PSMF1: variants seen among roughly 807,000 people sequenced by gnomAD.
PSMF1 encodes proteasome inhibitor subunit 1, also known as proteasome inhibitor PI31 subunit.
Under a neutral mutation model 29.3 loss-of-function variants are expected in PSMF1, and 30 were observed. The observed-to-expected ratio is 1.02, with a 90% CI of 0.77 to 1.39. PSMF1 has a LOEUF of 1.39. Ranked by LOEUF, PSMF1 falls within the 40% of genes most tolerant of loss-of-function variation. PSMF1 has a pLI of 0.00. For synonymous variants in PSMF1, 134 were observed against 139.7 expected, an observed-to-expected ratio of 0.96 and a Z score of 0.29; for missense variants, 344 against 357.5, an observed-to-expected ratio of 0.96 and a Z score of 0.31.
chr20:1,164,129 T>C lies in PSMF1; in HGVS notation c.606-189T>C, dbSNP rs542752070. On this transcript the variant is annotated intron_variant, in intron 5 of 6. Transcript: ENST00000335877. The surrounding 1 kb of genome is among the most constrained non-coding windows in gnomAD (Gnocchi z 4.1). ...AGAAGTACTCAGCTGTGAGGTATGC[T>C]CTTCGTATAGGCTTTGTGTTCTTGC... is the stretch of plus-strand genomic sequence containing the variant. 6.6e-6 allele frequency among the ~76,000 whole-genome samples: 1 copy of C among 152,228 alleles called. No homozygotes were observed. Among genetic ancestry groups the C allele is most frequent in the Non-Finnish European group, 1.5e-5 (1 of 67,994 alleles).
chr20:1,113,480 A>G (rs1312239566), intron 1 of PSMF1: 1 of 157,894 alleles, frequency 6.3e-6, no homozygotes, highest in Non-Finnish European at 1.4e-5. Flanking sequence ...ACACACACAC[A>G]CACACACACA....
chr20:1,129,188 G>A (rs1050164603), intron 3 of PSMF1, among the ~76,000 whole-genome samples: 4 of 151,922 alleles, frequency 2.6e-5, no homozygotes, highest in East Asian at 3.9e-4. Flanking sequence ...CAATTTTTGC[G>A]TTTTTAATAG....
intron 4 of PSMF1, among the ~76,000 whole-genome samples, chr20:1,147,379 G>T (rs1240528554): frequency 2.0e-5 from 3 of 152,182 alleles, no homozygotes; most frequent in African/African-American, 7.2e-5. Flanking sequence ...CGCTGGGAGG[G>T]TGAGCACTGG....
chr20:1,118,735 C>A lies in PSMF1; in HGVS notation c.-39C>A, dbSNP rs1257087773. On this transcript the variant is annotated 5_prime_UTR_variant, in exon 1 of 7. Coordinates refer to ENST00000335877, the MANE Select transcript of PSMF1 (RefSeq NM_006814.5). ...GAGCCGGCTCACTGCACTACCCCCGCCCCCTTCTTTCCTCCAGACGCCGAA... is the reference window on the plus strand; with the variant it reads ...GAGCCGGCTCACTGCACTACCCCCGACCCCTTCTTTCCTCCAGACGCCGAA... The A allele has an allele frequency of 1.3e-6, 2 of 1,599,276 alleles. No individual in the cohort carries two copies. The highest frequency in any genetic ancestry group is 1.7e-6 in the Non-Finnish European group (2 of 1,171,864).
At chr20:1,151,160 A>G (rs1042636802) in intron 4 of PSMF1, among the ~76,000 whole-genome samples, 3 of 152,332 alleles carry the variant, frequency 2.0e-5, no homozygotes, top group Admixed American at 6.5e-5. Flanking sequence ...GCAAAGTTCA[A>G]TAACATTTAT....
Position 1,171,161 on chromosome 20 carries a change from T to C in PSMF1, c.*6081T>C, listed in dbSNP as rs1212465013. 6.6e-6 allele frequency among the ~76,000 whole-genome samples: 1 copy of C among 152,136 alleles called. No homozygotes were observed. The highest frequency in any genetic ancestry group is 2.4e-5 in the African/African-American group (1 of 41,416). ...ATCCCCAGGATGGTCTTAAGGCTCC[T>C]CAGTCAGTCCTATTTGCACAGCGTG... On this transcript the variant is annotated 3_prime_UTR_variant, in exon 7 of 7. Transcript: ENST00000335877.
At chr20:1,150,665 T>C (rs56398212) in intron 4 of PSMF1, among the ~76,000 whole-genome samples, 2,165 of 152,290 alleles carry the variant, frequency 0.014, 48 homozygotes, top group African/African-American at 0.05. Flanking sequence ...TTTAAGTCCT[T>C]CATTAAATAT....
chr20:1,133,569 A>ATTTTTT (rs1217034678), intron 3 of PSMF1, among the ~76,000 whole-genome samples: 3 of 53,292 alleles, frequency 5.6e-5, no homozygotes, highest in Non-Finnish European at 1.4e-4. Flanking sequence ...ATATATATAT[A>ATTTTTT]TTTTTTTTTT....
intron 4 of PSMF1, among the ~76,000 whole-genome samples, chr20:1,142,840 C>T (rs2086400931): frequency 1.3e-5 from 2 of 152,180 alleles, no homozygotes; most frequent in African/African-American, 4.8e-5. Flanking sequence ...CCTGAGGAAT[C>T]GCCACACTGA....
chr20:1,135,264 G>C lies in PSMF1; in HGVS notation c.509G>C (p.Arg170Pro). 6.2e-7 allele frequency: 1 copy of C among 1,613,860 alleles called. No homozygotes were observed. The highest frequency in any genetic ancestry group is 8.5e-7 in the Non-Finnish European group (1 of 1,179,870). The stretch of plus-strand genomic sequence containing the variant: ...ACCGCCAGAGAGGTGGACCCACTCC[G>C]GATTCCTCCACACCACCCACACACC... ...PATAREVDPL[R>P]IPPHHPHTSR... is the part of the protein sequence containing the mutation. The change falls in exon 4 of 7, where the codon CGG becomes CCG. Residue 170 changes from arginine (R) to proline (P), a missense_variant. By Grantham distance (103) the Arg-to-Pro change is moderately radical. Transcript: ENST00000335877.
At chr20:1,129,538 G>A (rs1179819679) in intron 3 of PSMF1, among the ~76,000 whole-genome samples, 1 of 152,140 alleles carries the variant, frequency 6.6e-6, no homozygotes, top group East Asian at 1.9e-4. Flanking sequence ...CCTCCTGCAT[G>A]CCACCCTCCA....
intron 1 of PSMF1, among the ~76,000 whole-genome samples, chr20:1,121,315 C>T (rs545049010): frequency 2.6e-5 from 4 of 152,150 alleles, no homozygotes; most frequent in African/African-American, 7.2e-5. Context: ...CCTCTATCTA[C>T]CCCAGCACTA....
chr20:1,157,863 T>G (rs777338963), intron 4 of PSMF1, among the ~76,000 whole-genome samples: 3 of 152,182 alleles, frequency 2.0e-5, no homozygotes, highest in Non-Finnish European at 4.4e-5. Flanking sequence ...AGTTTCTCAT[T>G]GATCTTAATC....
chr20:1,122,700 AG>A (rs2086105038), intron 1 of PSMF1, among the ~76,000 whole-genome samples: 1 of 152,156 alleles, frequency 6.6e-6, no homozygotes, highest in Non-Finnish European at 1.5e-5. Flanking sequence ...ATTTGATGTC[AG>A]GGTTTACAGG....
chr20:1,148,548 C>A (rs1287994302), intron 4 of PSMF1, among the ~76,000 whole-genome samples: 2 of 152,172 alleles, frequency 1.3e-5, no homozygotes, highest in Admixed American at 6.5e-5. Flanking sequence ...CAATCTGTAT[C>A]TTTACATATT....
chr20:1,164,200 G>A lies in PSMF1; in HGVS notation c.606-118G>A. Reference sequence around the variant, plus strand: ...CTCTCAGGCAGCCATCCACATGTCTGCTTGGGCCATCCAGAGTAGACATCC... The same window carrying A: ...CTCTCAGGCAGCCATCCACATGTCTACTTGGGCCATCCAGAGTAGACATCC... On this transcript the variant is annotated intron_variant, in intron 5 of 6. Coordinates refer to ENST00000335877, the MANE Select transcript of PSMF1 (RefSeq NM_006814.5). This position sits in a 1 kb window ranked among gnomAD's most constrained non-coding sequence, Gnocchi z 4.1. 1.8e-6 allele frequency: 2 copies of A among 1,085,964 alleles called. No homozygotes were observed. Among genetic ancestry groups the A allele is most frequent in the Non-Finnish European group, 2.8e-6 (2 of 718,394 alleles). The allele number at this position is 1,085,964 out of a possible 1,614,324, so 67.3% of individuals were successfully genotyped here.
chr20:1,113,455 C>CACAG (rs758876104), intron 1 of PSMF1: 9 of 149,706 alleles, frequency 6.0e-5, no homozygotes, highest in Non-Finnish European at 1.2e-4. Flanking sequence ...AACACACACA[C>CACAG]ACACACACAC....
intron 3 of PSMF1, among the ~76,000 whole-genome samples, chr20:1,133,093 G>A (rs1371155667): frequency 1.4e-5 from 2 of 146,738 alleles, no homozygotes; most frequent in Admixed American, 1.4e-4. Flanking sequence ...TTGCCTTATT[G>A]CAGTGGTCAG....
At chr20:1,159,112 A>G (rs1212938187) in intron 4 of PSMF1, among the ~76,000 whole-genome samples, 1 of 152,094 alleles carries the variant, frequency 6.6e-6, no homozygotes, top group Non-Finnish European at 1.5e-5. Context: ...TAATGAGGTC[A>G]CAGAAGTCTT....
Sources: allele counts gnomAD v4.1 joint callset (sites outside exome capture counted in the v4.1 genomes callset), GRCh38; gene constraint gnomAD v4.1.1; non-coding constraint Gnocchi (gnomAD v3.1); transcripts MANE v1.5; gene names NCBI Gene and HGNC (gene_info 2026-07-23, HGNC 2026-07-21).